Variants in ATRNL1 observed in about 807,000 individuals in gnomAD.
ATRNL1 encodes attractin-like protein 1.
A neutral mutation model predicts 182.7 loss-of-function variants in ATRNL1; 95 were observed. That is an observed-to-expected ratio of 0.52 (90% confidence interval 0.44 to 0.62). ATRNL1 has a LOEUF of 0.62. ATRNL1 is among the 20% of genes least tolerant of loss of function. The pLI, the probability that ATRNL1 is intolerant of heterozygous loss-of-function variation, is 0.00. For missense variants in ATRNL1, 1,471 were observed against 1,679.5 expected (o/e 0.88, Z 2.17); for synonymous variants, 576 against 568.3 (o/e 1.01, Z -0.19).
chr10:115,593,397 A>G (rs1046199672), intron 26 of ATRNL1, among the ~76,000 whole-genome samples: 1 of 152,246 alleles, frequency 6.6e-6, no homozygotes, highest in Non-Finnish European at 1.5e-5. Context: ...AAGCAGAAAT[A>G]TAGACCAATG....
intron 24 of ATRNL1, among the ~76,000 whole-genome samples, chr10:115,518,985 A>G (rs1040721177): frequency 2.0e-5 from 3 of 151,976 alleles, no homozygotes; most frequent in East Asian, 1.9e-4. Context: ...TTAATCTGTC[A>G]TAGTATTTCA....
chr10:115,470,103 T>A (rs1848234245), intron 24 of ATRNL1, among the ~76,000 whole-genome samples: 1 of 150,454 alleles, frequency 6.6e-6, no homozygotes, highest in Non-Finnish European at 1.5e-5. Flanking sequence ...ATCCCTTCCC[T>A]ATATATTAGT....
chr10:115,152,666 A>G (rs1372611277), intron 5 of ATRNL1, among the ~76,000 whole-genome samples: 27 of 152,284 alleles, frequency 1.8e-4, no homozygotes, highest in Non-Finnish European at 3.5e-4. Flanking sequence ...GCAAACAGGG[A>G]CAATTTGACT....
chr10:115,821,629 C>T (rs189308146), intron 27 of ATRNL1, among the ~76,000 whole-genome samples: 18 of 152,210 alleles, frequency 1.2e-4, no homozygotes, highest in Non-Finnish European at 2.1e-4. Context: ...GCAAGGGTTG[C>T]AATCCTAGCC....
intron 26 of ATRNL1, among the ~76,000 whole-genome samples, chr10:115,718,556 G>A (rs1486911315): frequency 6.6e-6 from 1 of 152,072 alleles, no homozygotes; most frequent in African/African-American, 2.4e-5. Context: ...CCTGTATCAA[G>A]CCATAGCACA....
chr10:115,343,808 C>T (rs1045378109), intron 19 of ATRNL1, among the ~76,000 whole-genome samples: 1 of 152,116 alleles, frequency 6.6e-6, no homozygotes. Context: ...GGACTTGGGA[C>T]TTGGATGTTA....
At chr10:115,399,488 A>G (rs596776) in intron 20 of ATRNL1, among the ~76,000 whole-genome samples, 59,083 of 151,614 alleles carry the variant, frequency 0.39, 12,647 homozygotes, top group African/African-American at 0.57. Flanking sequence ...ATGGTTGTTC[A>G]TATTTCTGTG....
chr10:115,793,808 G>A (rs1044711864), intron 27 of ATRNL1, among the ~76,000 whole-genome samples: 1 of 152,094 alleles, frequency 6.6e-6, no homozygotes, highest in Non-Finnish European at 1.5e-5. Flanking sequence ...ATCCCAATGA[G>A]TGTGGGATTT....
intron 26 of ATRNL1, among the ~76,000 whole-genome samples, chr10:115,682,947 T>G (rs1555045184): frequency 1.3e-5 from 2 of 152,146 alleles, no homozygotes; most frequent in African/African-American, 4.8e-5. Flanking sequence ...TTTCTAGCTA[T>G]GTAACTTTAA....
intron 15 of ATRNL1, among the ~76,000 whole-genome samples, chr10:115,288,118 C>G (rs1241812960): frequency 6.6e-6 from 1 of 151,990 alleles, no homozygotes; most frequent in Non-Finnish European, 1.5e-5. Context: ...TTTTGTTTAT[C>G]TATTTTTTTC....
chr10:115,753,207 G>A (rs1455574127), intron 27 of ATRNL1, among the ~76,000 whole-genome samples: 1 of 151,872 alleles, frequency 6.6e-6, no homozygotes, highest in Non-Finnish European at 1.5e-5. Context: ...TTCAGTTCTG[G>A]GGTACATGTG....
chr10:115,455,376 G>A (rs374431704), intron 21 of ATRNL1, among the ~76,000 whole-genome samples: 1 of 152,102 alleles, frequency 6.6e-6, no homozygotes, highest in East Asian at 1.9e-4. Context: ...ACAGAAACAA[G>A]CAATGAGGAA....
At chr10:115,906,870 C>T (rs75572085) in intron 28 of ATRNL1, among the ~76,000 whole-genome samples, 2,261 of 151,930 alleles carry the variant, frequency 0.015, 27 homozygotes, top group Non-Finnish European at 0.025. Flanking sequence ...TATGTACCAG[C>T]GCTTTGTAAA....
At chr10:115,643,109 C>G (rs141334536) in intron 26 of ATRNL1, among the ~76,000 whole-genome samples, 13 of 152,162 alleles carry the variant, frequency 8.5e-5, no homozygotes, top group Admixed American at 3.3e-4. Flanking sequence ...CTCCAGTAAT[C>G]AAGAAAGTGC....
intron 27 of ATRNL1, among the ~76,000 whole-genome samples, chr10:115,816,106 C>T (rs1388750213): frequency 6.6e-6 from 1 of 152,088 alleles, no homozygotes; most frequent in Non-Finnish European, 1.5e-5. Context: ...TAAGAAACAT[C>T]AGTGTTATCA....
intron 8 of ATRNL1, among the ~76,000 whole-genome samples, chr10:115,177,617 A>G (rs1343848907): frequency 5.9e-5 from 9 of 152,088 alleles, no homozygotes; most frequent in Admixed American, 4.6e-4. Flanking sequence ...CCCATGGACT[A>G]TGTCTCCAAA....
chr10:115,394,772 T>C lies in ATRNL1; in HGVS notation c.3269+20T>C. On this transcript the variant is annotated intron_variant, in intron 20 of 28. Transcript: ENST00000355044. ...CCAATTGTAAGTAAGAATGACTTTT[T>C]AGAACTTTCGTGGATTGAATTTGTG... The C allele has an allele frequency of 6.5e-7, 1 of 1,538,184 alleles. No homozygotes were observed. Among genetic ancestry groups the C allele is most frequent in the Non-Finnish European group, 8.8e-7 (1 of 1,131,174 alleles).
chr10:115,867,817 A>G (rs1380082801), intron 28 of ATRNL1, among the ~76,000 whole-genome samples: 1 of 151,428 alleles, frequency 6.6e-6, no homozygotes, highest in Non-Finnish European at 1.5e-5. Flanking sequence ...GGCTCACTGC[A>G]ACCTCCACCT....
Position 115,829,596 on chromosome 10 carries a change from CT to C in ATRNL1, c.3904-18279del, listed in dbSNP as rs1950514139. Among the ~76,000 whole-genome samples, 3 of 151,874 alleles carry C rather than the reference CT, an allele frequency of 2.0e-5. No homozygotes were observed. In the South Asian group the frequency reaches 6.2e-4, roughly 32 times the overall value. The stretch of plus-strand genomic sequence containing the variant: ...TCCTTGGTATTTATAACTCATTTCC[CT>C]TCCTGAGCTAGCATATACTTTTAAG... On this transcript the variant is annotated intron_variant, in intron 27 of 28. Coordinates refer to ENST00000355044, the MANE Select transcript of ATRNL1 (RefSeq NM_207303.4).
Sources: gnomAD v4.1 joint callset for allele counts (sites outside exome capture counted in the v4.1 genomes callset) on GRCh38, gnomAD v4.1.1 for gene constraint, MANE v1.5 for transcripts, NCBI Gene and HGNC (gene_info 2026-07-23, HGNC 2026-07-21) for gene names.